RANBP2: variants seen among roughly 807,000 people sequenced by gnomAD.
The protein encoded by RANBP2 is RAN binding protein 2.
Under a neutral mutation model 303.6 loss-of-function variants are expected in RANBP2, and 57 were observed. The ratio of observed to expected loss-of-function variants is 0.19; its 90% confidence interval spans 0.15 to 0.23. The LOEUF is 0.23. Among genes scored for constraint, RANBP2 ranks in the 10% least tolerant of loss-of-function variants. The pLI, the probability that RANBP2 is intolerant of heterozygous loss-of-function variation, is 1.00. For missense variants in RANBP2, 3,138 were observed against 3,780.8 expected (o/e 0.83, Z 4.46); for synonymous variants, 1,167 against 1,301.5 (o/e 0.90, Z 2.23).
chr2:109,573,753 C>A, the RANBP2 span, among the ~76,000 whole-genome samples: 10 of 152,090 alleles, frequency 6.6e-5, no homozygotes, highest in Non-Finnish European at 1.2e-4. Flanking sequence ...CTGTCTTTAG[C>A]CATTTTTTAA....
At chr2:108,915,179 C>T in the RANBP2 span, among the ~76,000 whole-genome samples, 13 of 152,216 alleles carry the variant, frequency 8.5e-5, no homozygotes, top group Non-Finnish European at 1.6e-4. Context: ...GCTGGGATTA[C>T]AGGTGTGAGC....
the RANBP2 span, among the ~76,000 whole-genome samples, chr2:109,584,364 AC>A: frequency 6.6e-6 from 1 of 150,548 alleles, no homozygotes. Context: ...AATCCTAGCT[AC>A]TCGGGAGGCT....
chr2:109,130,029 C>T, the RANBP2 span: 99 of 1,338,588 alleles, frequency 7.4e-5, no homozygotes, highest in Non-Finnish European at 8.2e-5. Context: ...CCCCGGGTTC[C>T]CCGGTTTTCC....
At chr2:108,796,942 A>G in the RANBP2 span, among the ~76,000 whole-genome samples, 1 of 152,348 alleles carries the variant, frequency 6.6e-6, no homozygotes, top group African/African-American at 2.4e-5. Flanking sequence ...AATTTATTGT[A>G]TATTTTAAAG....
the RANBP2 span, among the ~76,000 whole-genome samples, chr2:109,655,642 TAAAGCAGAAACAAACAAACA>T: frequency 0.076 from 11,610 of 152,036 alleles, 1,454 homozygotes; most frequent in African/African-American, 0.26. Flanking sequence ...ATCTTTATTT[TAAAGCAGAAACAAACAAACA>T]AAAGCAGAAA....
intron 1 of RANBP2, among the ~76,000 whole-genome samples, chr2:108,726,102 A>C (rs2088151430): frequency 6.6e-6 from 1 of 152,174 alleles, no homozygotes; most frequent in Non-Finnish European, 1.5e-5. Flanking sequence ...AAAATATTGA[A>C]TGGAAGATTA....
At chr2:109,086,725 C>G in the RANBP2 span, among the ~76,000 whole-genome samples, 1 of 152,212 alleles carries the variant, frequency 6.6e-6, no homozygotes, top group African/African-American at 2.4e-5. Context: ...GGTCCTGTCA[C>G]CACTGCTCTT....
At chr2:109,159,155 A>C in the RANBP2 span, among the ~76,000 whole-genome samples, 4 of 152,104 alleles carry the variant, frequency 2.6e-5, no homozygotes, top group Non-Finnish European at 4.4e-5. Context: ...CACAGTGTTC[A>C]CCCATGAGAA....
chr2:109,489,276 T>C, the RANBP2 span, among the ~76,000 whole-genome samples: 138,746 of 152,320 alleles, frequency 0.91, 63,376 homozygotes, highest in Middle Eastern at 0.99. Context: ...AGACACCTTA[T>C]CGGGTGGAGA....
At chr2:109,613,982 A>C in the RANBP2 span, 3 of 1,152,784 alleles carry the variant, frequency 2.6e-6, no homozygotes, top group East Asian at 8.0e-5. Flanking sequence ...GGCGGGGCCG[A>C]GCTGGAGGCC....
the RANBP2 span, among the ~76,000 whole-genome samples, chr2:109,417,470 T>C: frequency 3.9e-5 from 6 of 152,218 alleles, no homozygotes; most frequent in African/African-American, 1.4e-4. Context: ...CTTCCAGCCC[T>C]GTTCTCACAC....
chr2:108,789,115 G>T, downstream of RANBP2: 1 of 616,132 alleles, frequency 1.6e-6, no homozygotes, highest in Non-Finnish European at 2.7e-6. Context: ...AATAGTTGAA[G>T]CGAGTCACTT....
chr2:109,655,092 G>A, the RANBP2 span, among the ~76,000 whole-genome samples: 11 of 152,012 alleles, frequency 7.2e-5, no homozygotes, highest in East Asian at 1.5e-3. Flanking sequence ...TAGTAGAGAC[G>A]GGGTTTCACC....
chr2:108,971,833 G>A, the RANBP2 span, among the ~76,000 whole-genome samples: 47 of 152,296 alleles, frequency 3.1e-4, no homozygotes, highest in African/African-American at 9.6e-4. Context: ...TTAGTGACTC[G>A]TTTCTAGCCA....
chr2:109,312,858 C>A, the RANBP2 span, among the ~76,000 whole-genome samples: 1 of 152,168 alleles, frequency 6.6e-6, no homozygotes, highest in Admixed American at 6.5e-5. Flanking sequence ...TGCTTGAACA[C>A]CTGTCTTAGA....
the RANBP2 span, among the ~76,000 whole-genome samples, chr2:109,656,691 T>C: frequency 6.6e-6 from 1 of 152,248 alleles, no homozygotes; most frequent in Non-Finnish European, 1.5e-5. Context: ...GCTTATCATA[T>C]ACGATTATGT....
rs910061097 is a variant in RANBP2 at position 108,719,554 on chromosome 2, C to T, written c.-53C>T. On this transcript the variant is annotated 5_prime_UTR_variant, in exon 1 of 29. Transcript: ENST00000283195. Reference sequence around the variant, plus strand: ...GCTTTCCTCTTGGAAGTGGCGACTGCTGCGGGCCTGAGCGCTGGTCTCACG... The same window carrying T: ...GCTTTCCTCTTGGAAGTGGCGACTGTTGCGGGCCTGAGCGCTGGTCTCACG... 2.5e-6 allele frequency: 4 copies of T among 1,570,824 alleles called. No individual in the cohort carries two copies. In the African/African-American group the frequency reaches 5.4e-5, roughly 21 times the overall value.
At chr2:108,926,990 C>T in the RANBP2 span, among the ~76,000 whole-genome samples, 1 of 152,194 alleles carries the variant, frequency 6.6e-6, no homozygotes, top group African/African-American at 2.4e-5. Flanking sequence ...GCCTTGTCTG[C>T]AGTAGAGGGG....
At chr2:109,392,019 T>C in the RANBP2 span, among the ~76,000 whole-genome samples, 3 of 152,060 alleles carry the variant, frequency 2.0e-5, no homozygotes, top group East Asian at 5.8e-4. Flanking sequence ...TCTCACTATA[T>C]TACCCAGGCT....
Sources: allele counts gnomAD v4.1 joint callset (sites outside exome capture counted in the v4.1 genomes callset), GRCh38; gene constraint gnomAD v4.1.1; transcripts MANE v1.5; gene names NCBI Gene and HGNC (gene_info 2026-07-23, HGNC 2026-07-21).